KIAA0319L: variants seen among roughly 807,000 people sequenced by gnomAD.
KIAA0319L encodes dyslexia-associated protein KIAA0319-like protein.
In KIAA0319L, 55 loss-of-function variants were observed where a neutral mutation model predicts 120.1. The observed-to-expected ratio is 0.46, with a 90% CI of 0.37 to 0.57. The LOEUF (loss-of-function observed/expected upper bound fraction) is 0.57. Among genes scored for constraint, KIAA0319L ranks in the 20% least tolerant of loss-of-function variants. KIAA0319L has a pLI of 0.00. For missense variants in KIAA0319L, 1,049 were observed against 1,255.3 expected, an observed-to-expected ratio of 0.84 and a Z score of 2.48; for synonymous variants, 398 against 471.9, an observed-to-expected ratio of 0.84 and a Z score of 2.03.
intron 4 of KIAA0319L, among the ~76,000 whole-genome samples, chr1:35,476,864 G>A (rs376501535): frequency 2.0e-5 from 3 of 152,048 alleles, no homozygotes; most frequent in Non-Finnish European, 2.9e-5. Context: ...ACTTTTTCAG[G>A]GGATAAAGAC....
intron 8 of KIAA0319L, among the ~76,000 whole-genome samples, chr1:35,461,929 C>T (rs931620818): frequency 2.6e-5 from 4 of 152,078 alleles, no homozygotes; most frequent in African/African-American, 9.7e-5. Flanking sequence ...AAAACCATCG[C>T]TGGTGCCAAG....
chr1:35,493,518 A>G (rs1449744319), intron 3 of KIAA0319L, among the ~76,000 whole-genome samples: 1 of 152,104 alleles, frequency 6.6e-6, no homozygotes, highest in Non-Finnish European at 1.5e-5. Context: ...TAAACCTGAC[A>G]AAAGACTGCA....
intron 16 of KIAA0319L, among the ~76,000 whole-genome samples, chr1:35,446,359 A>C (rs1641622722): frequency 6.6e-6 from 1 of 152,166 alleles, no homozygotes; most frequent in Admixed American, 6.5e-5. Context: ...AAAGATGTTC[A>C]TGTTCCACAA....
intron 6 of KIAA0319L, among the ~76,000 whole-genome samples, chr1:35,467,390 CTATCA>C (rs141864207): frequency 0.044 from 6,709 of 152,088 alleles, 196 homozygotes; most frequent in South Asian, 0.067. Context: ...CAGCATATCA[CTATCA>C]TAACACATCA....
chr1:35,441,266 T>C, intron 19 of KIAA0319L, 128 bp from the exon 20 acceptor site: 2 of 746,606 alleles, frequency 2.7e-6, no homozygotes, highest in Non-Finnish European at 4.6e-6. Flanking sequence ...CTCTCCTCAC[T>C]TCTCAGCCAG....
chr1:35,464,115 C>T (rs1239221752), intron 7 of KIAA0319L, among the ~76,000 whole-genome samples: 1 of 152,018 alleles, frequency 6.6e-6, no homozygotes, highest in African/African-American at 2.4e-5. Context: ...TAAATTGGTA[C>T]CAGTAGAGTA....
intron 3 of KIAA0319L, among the ~76,000 whole-genome samples, chr1:35,496,271 T>G (rs565650186): frequency 5.5e-4 from 84 of 151,740 alleles, no homozygotes; most frequent in African/African-American, 1.9e-3. Flanking sequence ...AATACAAAAA[T>G]TAGCCGGGGA....
At chr1:35,447,649 G>A (rs1035118664) in intron 16 of KIAA0319L, among the ~76,000 whole-genome samples, 1 of 148,466 alleles carries the variant, frequency 6.7e-6, no homozygotes, top group African/African-American at 2.5e-5. Context: ...AGAGCTCACT[G>A]CAGCCTCAAA....
chr1:35,521,401 A>G (rs1645905527), intron 2 of KIAA0319L, among the ~76,000 whole-genome samples: 1 of 152,068 alleles, frequency 6.6e-6, no homozygotes, highest in Non-Finnish European at 1.5e-5. Context: ...TCGGGAGGCC[A>G]AGATGGGGAG....
intron 2 of KIAA0319L, chr1:35,533,311 A>G (rs1373127020): frequency 1.3e-5 from 2 of 152,196 alleles, no homozygotes; most frequent in East Asian, 3.9e-4. Context: ...TTCTAACTAA[A>G]TTCATCAGAC....
At chr1:35,443,557 A>C (rs936075994) in intron 17 of KIAA0319L, among the ~76,000 whole-genome samples, 2 of 152,206 alleles carry the variant, frequency 1.3e-5, no homozygotes, top group African/African-American at 2.4e-5. Flanking sequence ...CTGTAATCCC[A>C]GCTATTTGGG....
chr1:35,496,414 C>T (rs1275727121), intron 3 of KIAA0319L, among the ~76,000 whole-genome samples: 2 of 151,922 alleles, frequency 1.3e-5, no homozygotes, highest in East Asian at 1.9e-4. Flanking sequence ...AGTGAGACTC[C>T]GTCTCAAAAA....
rs548312231 is a variant in KIAA0319L, at chr1:35,557,359, T to C, written c.-181A>G. On this transcript the variant is annotated 5_prime_UTR_variant, in exon 1 of 21. Transcript: ENST00000325722. ...AGTGCGGGCTCCCCACCCGGACAGC[T>C]ACCTCTCGCCTCAGCCTCCCTGGAC... The C allele has an allele frequency of 2.4e-5, 7 of 287,926 alleles. No individual in the cohort carries two copies. In the Admixed American group the frequency reaches 2.5e-4, roughly 10 times the overall value. The allele number at this position is 287,926 out of a possible 1,614,324, so 17.8% of individuals were successfully genotyped here. A position where few individuals can be genotyped will look rare whatever the true frequency, so the allele number is the denominator to read the frequency against.
At chr1:35,539,927 A>G (rs1012374616) in intron 2 of KIAA0319L, among the ~76,000 whole-genome samples, 18 of 152,178 alleles carry the variant, frequency 1.2e-4, no homozygotes, top group Non-Finnish European at 2.4e-4. Context: ...CCCCCACTCC[A>G]TCTCCCAGGT....
intron 2 of KIAA0319L, chr1:35,510,677 G>GACTCGATGC (rs1645401289): frequency 6.6e-6 from 1 of 151,826 alleles, no homozygotes; most frequent in African/African-American, 2.4e-5. Flanking sequence ...GGCACATCAT[G>GACTCGATGC]ACTCGATGCA....
At position 35,504,937 on chromosome 1, in the gene KIAA0319L, T is replaced by G. The variant is rs997205688; in HGVS notation, c.666+1675A>C. Among the ~76,000 whole-genome samples the G allele has an allele frequency of 1.2e-4, 19 of 152,318 alleles. No homozygotes were observed. In the East Asian group the frequency reaches 1.9e-3, roughly 15 times the overall value. On this transcript the variant is annotated intron_variant, in intron 3 of 20. Transcript: ENST00000325722. ...CTCCCAATTTCTTGAGCTCGCCATA[T>G]TCTAGGGCACCTAACACACTTTGAA...
intron 2 of KIAA0319L, among the ~76,000 whole-genome samples, chr1:35,532,855 G>A (rs1646425677): frequency 6.6e-6 from 1 of 152,154 alleles, no homozygotes; most frequent in African/African-American, 2.4e-5. Flanking sequence ...GAGAACAGTG[G>A]AGCAAAGCCA....
At chr1:35,515,710 C>T (rs1169763470) in intron 2 of KIAA0319L, among the ~76,000 whole-genome samples, 1 of 151,854 alleles carries the variant, frequency 6.6e-6, no homozygotes. Context: ...AAAATCGGAG[C>T]TGAATTGAAG....
intron 14 of KIAA0319L, 95 bp from the exon 15 acceptor site, chr1:35,450,100 G>GTTGAAACAGTTCAGCC: frequency 6.8e-7 from 1 of 1,461,418 alleles, no homozygotes; most frequent in Non-Finnish European, 9.5e-7. Context: ...GCCCTTCAGG[G>GTTGAAACAGTTCAGCC]CTGAACTGTT....
Sources: gnomAD v4.1 joint callset for allele counts (sites outside exome capture counted in the v4.1 genomes callset) on GRCh38, gnomAD v4.1.1 for gene constraint, MANE v1.5 for transcripts, NCBI Gene and HGNC (gene_info 2026-07-23, HGNC 2026-07-21) for gene names.